GRAMD1B: variants seen among roughly 807,000 people sequenced by gnomAD.
The protein encoded by GRAMD1B is GRAM domain containing 1B.
Under a neutral mutation model 99.7 loss-of-function variants are expected in GRAMD1B, and 37 were observed. The observed-to-expected ratio is 0.37, with a 90% CI of 0.29 to 0.49. GRAMD1B has a LOEUF of 0.49. Among genes scored for constraint, GRAMD1B ranks in the 20% least tolerant of loss-of-function variants. The pLI is 0.98. For missense variants in GRAMD1B, 888 were observed against 1,009.2 expected, an observed-to-expected ratio of 0.88 and a Z score of 1.63; for synonymous variants, 427 against 387.6, an observed-to-expected ratio of 1.10 and a Z score of -1.19.
intron 2 of GRAMD1B, among the ~76,000 whole-genome samples, chr11:123,551,822 C>T (rs1004652097): frequency 6.6e-6 from 1 of 152,142 alleles, no homozygotes; most frequent in African/African-American, 2.4e-5. Flanking sequence ...AGGATATTCC[C>T]CAGTAGGTGA....
chr11:123,485,075 C>T (rs778862050), intron 2 of GRAMD1B, among the ~76,000 whole-genome samples: 4 of 152,150 alleles, frequency 2.6e-5, no homozygotes, highest in Non-Finnish European at 5.9e-5. Flanking sequence ...CTTCGTAATG[C>T]CCCTGGGTGG....
intron 1 of GRAMD1B, among the ~76,000 whole-genome samples, chr11:123,436,853 T>C (rs1009853300): frequency 2.0e-5 from 3 of 152,184 alleles, no homozygotes; most frequent in African/African-American, 7.2e-5. Context: ...GCTGCACCCA[T>C]TAACTCGTCA....
intron 1 of GRAMD1B, among the ~76,000 whole-genome samples, chr11:123,384,557 G>A (rs748284803): frequency 6.6e-6 from 1 of 152,104 alleles, no homozygotes; most frequent in Non-Finnish European, 1.5e-5. Context: ...GTTTCTTCCT[G>A]TTGCTCCTCC....
intron 2 of GRAMD1B, among the ~76,000 whole-genome samples, chr11:123,507,072 A>G (rs961419429): frequency 3.3e-5 from 5 of 152,202 alleles, no homozygotes; most frequent in Non-Finnish European, 7.3e-5. Context: ...GTGGACCCCC[A>G]TTAACATGGA....
chr11:123,464,827 G>A (rs1317000244), intron 1 of GRAMD1B, among the ~76,000 whole-genome samples: 2 of 152,182 alleles, frequency 1.3e-5, no homozygotes, highest in Non-Finnish European at 2.9e-5. Context: ...GGGAGTGGAG[G>A]AGAGAGAACT....
At chr11:123,408,539 T>C (rs1437413586) in intron 1 of GRAMD1B, among the ~76,000 whole-genome samples, 1 of 152,246 alleles carries the variant, frequency 6.6e-6, no homozygotes, top group Non-Finnish European at 1.5e-5. Flanking sequence ...ATGGATGGCA[T>C]GTTACAGCTC....
chr11:123,469,739 CTCTT>C (rs61621168), intron 1 of GRAMD1B, among the ~76,000 whole-genome samples: 57,920 of 140,588 alleles, frequency 0.41, 11,949 homozygotes, highest in Middle Eastern at 0.55. Flanking sequence ...TTCTTTCTTT[CTCTT>C]TCTTTCTTTC....
intron 1 of GRAMD1B, among the ~76,000 whole-genome samples, chr11:123,411,174 T>G (rs1948037258): frequency 6.6e-6 from 1 of 151,862 alleles, no homozygotes; most frequent in Non-Finnish European, 1.5e-5. Context: ...CCGGCTAATT[T>G]TTTGTATATT....
intron 1 of GRAMD1B, among the ~76,000 whole-genome samples, chr11:123,419,298 A>C (rs1440493451): frequency 6.6e-6 from 1 of 152,164 alleles, no homozygotes; most frequent in East Asian, 1.9e-4. Flanking sequence ...TCTGGGCTTT[A>C]CCACCTATAC....
At chr11:123,382,354 G>T (rs1353545033) in intron 1 of GRAMD1B, among the ~76,000 whole-genome samples, 3 of 152,102 alleles carry the variant, frequency 2.0e-5, no homozygotes, top group Non-Finnish European at 4.4e-5. Context: ...CTGTACCTAG[G>T]CCAGTCAAAT....
At chr11:123,509,929 A>T (rs374837205) in intron 2 of GRAMD1B, 2 of 152,300 alleles carry the variant, frequency 1.3e-5, no homozygotes, top group African/African-American at 4.8e-5. Flanking sequence ...GGCTGCTCTC[A>T]TGTACCTTTA....
intron 1 of GRAMD1B, among the ~76,000 whole-genome samples, chr11:123,469,696 C>G (rs1191893510): frequency 6.6e-6 from 1 of 151,692 alleles, no homozygotes; most frequent in Non-Finnish European, 1.5e-5. Flanking sequence ...TGTCCTTTCC[C>G]TTTCTCTTTC....
intron 1 of GRAMD1B, among the ~76,000 whole-genome samples, chr11:123,450,665 G>A (rs1344054562): frequency 6.6e-6 from 1 of 152,216 alleles, no homozygotes; most frequent in Non-Finnish European, 1.5e-5. Flanking sequence ...TGGGAGCGGG[G>A]AGGAGCTGGT....
intron 1 of GRAMD1B, among the ~76,000 whole-genome samples, chr11:123,384,651 T>C (rs1327113893): frequency 3.3e-5 from 5 of 152,242 alleles, no homozygotes; most frequent in Non-Finnish European, 2.9e-5. Context: ...CAGTGCTTGA[T>C]ATAAAGTGTT....
At chr11:123,579,794 T>C (rs1011748869) in intron 3 of GRAMD1B, among the ~76,000 whole-genome samples, 2 of 152,172 alleles carry the variant, frequency 1.3e-5, no homozygotes, top group Non-Finnish European at 2.9e-5. Context: ...CGAGGTAGGA[T>C]AAATCATTTG....
In GRAMD1B at chr11:123,365,875, C is replaced by CT. The variant is rs964999192; in HGVS notation, c.-176+7084dup. Reference sequence around the variant, plus strand: ...GCTCCTTGTAACTATGATCTCCCTCCTTTTTTTTGTAGATTATCTTTAAAG... The same window carrying CT: ...GCTCCTTGTAACTATGATCTCCCTCCTTTTTTTTTGTAGATTATCTTTAAAG... On this transcript the variant is annotated intron_variant, in intron 1 of 20. Transcript: ENST00000638157. 3.2e-3 allele frequency among the ~76,000 whole-genome samples: 480 copies of CT among 152,108 alleles called. 2 individuals are homozygous for CT. The highest frequency in any genetic ancestry group is 0.01 in the African/African-American group (420 of 41,498).
Position 123,610,060 on chromosome 11 carries a change from G to A in GRAMD1B, c.1777-136G>A. The stretch of plus-strand genomic sequence containing the variant: ...GTGGTGGCGTCTTGCTTGTTTAGTT[G>A]CTGCTGATTCCAGTGATCCTGGTTC... On this transcript the variant is annotated intron_variant, in intron 13 of 19. Coordinates refer to ENST00000635736, the MANE Select transcript of GRAMD1B (RefSeq NM_001387025.1). The surrounding 1 kb of genome is among the most constrained non-coding windows in gnomAD (Gnocchi z 4.1). 1.1e-6 allele frequency: 1 copy of A among 890,868 alleles called. No individual in the cohort carries two copies. Among genetic ancestry groups the A allele is most frequent in the Non-Finnish European group, 1.8e-6 (1 of 560,808 alleles). 55.2% of individuals were successfully genotyped at this position (890,868 alleles called of 1,614,324 possible).
At chr11:123,561,377 T>C (rs1397262523) in intron 2 of GRAMD1B, among the ~76,000 whole-genome samples, 1 of 152,150 alleles carries the variant, frequency 6.6e-6, no homozygotes, top group Non-Finnish European at 1.5e-5. Flanking sequence ...GACAGATGGA[T>C]CTGGCCAGCA....
intron 1 of GRAMD1B, among the ~76,000 whole-genome samples, chr11:123,376,679 G>A (rs1228263301): frequency 6.6e-6 from 1 of 152,160 alleles, no homozygotes; most frequent in East Asian, 1.9e-4. Flanking sequence ...GCAAATATGG[G>A]CATGATTCCT....
Sources: gnomAD v4.1 joint callset for allele counts (sites outside exome capture counted in the v4.1 genomes callset) on GRCh38, gnomAD v4.1.1 for gene constraint, Gnocchi (gnomAD v3.1) non-coding constraint, MANE v1.5 for transcripts, NCBI Gene and HGNC (gene_info 2026-07-23, HGNC 2026-07-21) for gene names.